The following SH3GL3 variants were observed in gnomAD, a reference collection of about 807,000 sequenced individuals.
SH3GL3 encodes the protein endophilin-A3.
In SH3GL3, 33 loss-of-function variants were observed where a neutral mutation model predicts 47.7. The ratio of observed to expected loss-of-function variants is 0.69; its 90% CI spans 0.52 to 0.92. The LOEUF (loss-of-function observed/expected upper bound fraction) is 0.92. Among genes scored for constraint, SH3GL3 ranks in the 40% least tolerant of loss-of-function variants. The pLI, the probability that SH3GL3 is intolerant of heterozygous loss-of-function variation, is 0.00. For synonymous variants in SH3GL3, 155 were observed against 148.8 expected (o/e 1.04, Z -0.30); for missense variants, 363 against 417.8 (o/e 0.87, Z 1.14).
intron 1 of SH3GL3, among the ~76,000 whole-genome samples, chr15:83,510,911 ATG>A (rs1202116746): frequency 1.4e-5 from 2 of 148,130 alleles, no homozygotes; most frequent in African/African-American, 4.9e-5. Flanking sequence ...GGCCACTCAG[ATG>A]TTCTCACTCA....
At chr15:83,504,416 G>A (rs2151613804) in intron 1 of SH3GL3, among the ~76,000 whole-genome samples, 1 of 152,308 alleles carries the variant, frequency 6.6e-6, no homozygotes, top group South Asian at 2.1e-4. Flanking sequence ...GTTCCAAGGT[G>A]GGCCAGTGCG....
the SH3GL3 span, among the ~76,000 whole-genome samples, chr15:83,627,574 C>T: frequency 1.3e-5 from 2 of 152,270 alleles, no homozygotes; most frequent in Admixed American, 6.5e-5. Context: ...TCTCAGATCT[C>T]CCTGTTCATT....
At chr15:83,614,494 G>A (rs1014171563) in intron 8 of SH3GL3, among the ~76,000 whole-genome samples, 2 of 152,078 alleles carry the variant, frequency 1.3e-5, no homozygotes, top group Non-Finnish European at 1.5e-5. Context: ...CTCTTTCCTC[G>A]CCAGCTGAGT....
intron 1 of SH3GL3, among the ~76,000 whole-genome samples, chr15:83,515,582 G>A (rs58601453): frequency 2.3e-4 from 35 of 152,254 alleles, no homozygotes; most frequent in African/African-American, 7.5e-4. Context: ...TCAAACCTGT[G>A]TGAATTAAGG....
chr15:83,450,858 G>C (rs2039733692), intron 1 of SH3GL3, among the ~76,000 whole-genome samples: 1 of 114,772 alleles, frequency 8.7e-6, no homozygotes, highest in Non-Finnish European at 1.7e-5. Context: ...ACATTGTGCA[G>C]GTTAGTTACA....
downstream of SH3GL3, among the ~76,000 whole-genome samples, chr15:83,621,610 A>T (rs2060915905): frequency 6.6e-6 from 1 of 152,244 alleles, no homozygotes; most frequent in Non-Finnish European, 1.5e-5. Flanking sequence ...TATTGTAAGA[A>T]TTACCAAAGT....
At chr15:83,474,809 C>T (rs921900917) in intron 1 of SH3GL3, among the ~76,000 whole-genome samples, 4 of 152,098 alleles carry the variant, frequency 2.6e-5, no homozygotes, top group African/African-American at 9.7e-5. Context: ...TGTGAGAGCT[C>T]TGGCATGATC....
At chr15:83,518,389 C>T (rs1008600853) in intron 1 of SH3GL3, among the ~76,000 whole-genome samples, 6 of 152,184 alleles carry the variant, frequency 3.9e-5, no homozygotes, top group Admixed American at 2.6e-4. Context: ...TCCACAGCCT[C>T]ACCATTATCT....
intron 1 of SH3GL3, among the ~76,000 whole-genome samples, chr15:83,461,242 T>C (rs2040283841): frequency 6.6e-6 from 1 of 152,214 alleles, no homozygotes; most frequent in Non-Finnish European, 1.5e-5. Flanking sequence ...GTCAGATTCA[T>C]GGAAAAGACT....
At chr15:83,468,929 A>T (rs544733347) in intron 1 of SH3GL3, among the ~76,000 whole-genome samples, 1 of 152,104 alleles carries the variant, frequency 6.6e-6, no homozygotes, top group African/African-American at 2.4e-5. Context: ...GACAATTCAG[A>T]GAATTTTCCA....
intron 1 of SH3GL3, among the ~76,000 whole-genome samples, chr15:83,541,936 T>C (rs929771186): frequency 6.6e-6 from 1 of 152,242 alleles, no homozygotes; most frequent in African/African-American, 2.4e-5. Flanking sequence ...TTGTTGATGT[T>C]GAAAAGCCTT....
chr15:83,632,756 A>G, the SH3GL3 span, among the ~76,000 whole-genome samples: 1 of 152,220 alleles, frequency 6.6e-6, no homozygotes, highest in Admixed American at 6.5e-5. Context: ...GTCCCATGAC[A>G]TGTACGGATT....
chr15:83,622,388 A>G (rs927096355), downstream of SH3GL3, among the ~76,000 whole-genome samples: 7 of 152,210 alleles, frequency 4.6e-5, no homozygotes, highest in Non-Finnish European at 8.8e-5. Flanking sequence ...CACATTAGGA[A>G]TTTACCAAAG....
the SH3GL3 span, among the ~76,000 whole-genome samples, chr15:83,627,177 C>A: frequency 2.0e-5 from 3 of 152,062 alleles, no homozygotes; most frequent in Admixed American, 6.5e-5. Flanking sequence ...GCGGGCGGAT[C>A]ACGAGGTCAG....
chr15:83,527,113 T>A (rs1019493429), intron 1 of SH3GL3, among the ~76,000 whole-genome samples: 4 of 152,150 alleles, frequency 2.6e-5, no homozygotes, highest in Non-Finnish European at 4.4e-5. Context: ...TTTGGTGTAG[T>A]CTTTAGGTTT....
At chr15:83,601,169 C>G (rs1043399877) in intron 8 of SH3GL3, among the ~76,000 whole-genome samples, 2 of 152,118 alleles carry the variant, frequency 1.3e-5, no homozygotes, top group Non-Finnish European at 2.9e-5. Context: ...TCCTCTATAC[C>G]GATTTGGATG....
At chr15:83,532,658 C>A (rs2043732134) in intron 1 of SH3GL3, among the ~76,000 whole-genome samples, 1 of 152,148 alleles carries the variant, frequency 6.6e-6, no homozygotes, top group Non-Finnish European at 1.5e-5. Context: ...GAAAACCTAA[C>A]CATAGTGGCT....
intron 1 of SH3GL3, among the ~76,000 whole-genome samples, chr15:83,459,573 C>T (rs117222065): frequency 4.6e-5 from 7 of 152,142 alleles, no homozygotes; most frequent in African/African-American, 1.4e-4. Context: ...TATTGATCTA[C>T]GCCTAGTAAA....
intron 2 of SH3GL3, among the ~76,000 whole-genome samples, chr15:83,562,030 A>ACCAC (rs1323661188): frequency 1.5e-5 from 2 of 133,084 alleles, no homozygotes; most frequent in Middle Eastern, 7.4e-3. Context: ...ACACACACAC[A>ACCAC]ACACACACAC....
Sources: allele counts gnomAD v4.1 joint callset (sites outside exome capture counted in the v4.1 genomes callset), GRCh38; gene constraint gnomAD v4.1.1; transcripts MANE v1.5; gene names NCBI Gene and HGNC (gene_info 2026-07-23, HGNC 2026-07-21).